Variants in IMMP2L observed in about 807,000 individuals in gnomAD.
IMMP2L encodes mitochondrial inner membrane protease subunit 2.
A neutral mutation model predicts 19.3 loss-of-function variants in IMMP2L; 18 were observed. The ratio of observed to expected loss-of-function variants is 0.93; its 90% CI spans 0.64 to 1.38. The LOEUF (loss-of-function observed/expected upper bound fraction) is 1.38. Among genes scored for constraint, IMMP2L ranks in the 40% most tolerant of loss-of-function variants. The pLI is 0.00. For missense variants in IMMP2L, 233 were observed against 218.2 expected, an observed-to-expected ratio of 1.07 and a Z score of -0.43; for synonymous variants, 76 against 73.0, an observed-to-expected ratio of 1.04 and a Z score of -0.21.
At chr7:111,478,130 A>T (rs1228479106) in intron 3 of IMMP2L, among the ~76,000 whole-genome samples, 13 of 151,942 alleles carry the variant, frequency 8.6e-5, no homozygotes. Context: ...AGCCTTTTCC[A>T]CTATTATATT....
In IMMP2L at chr7:111,392,025, T is replaced by C; in HGVS notation, c.239+95213A>G. The C allele has an allele frequency of 4.3e-6, 3 of 701,926 alleles. No individual in the cohort carries two copies. In the South Asian group the frequency reaches 4.4e-5, roughly 10 times the overall value. The allele number at this position is 701,926 out of a possible 1,614,324, so 43.5% of individuals were successfully genotyped here. A position where few individuals can be genotyped will look rare whatever the true frequency, so the allele number is the denominator to read the frequency against. ...GCTTCAATGTCCTCTCCTACCTTTG[T>C]ATATGCAAATTCTTCATTACCAGCT... is the stretch of plus-strand genomic sequence containing the variant. On this transcript the variant is annotated intron_variant, in intron 3 of 5. Transcript: ENST00000405709.
chr7:110,848,382 G>C (rs1176456604), intron 5 of IMMP2L, among the ~76,000 whole-genome samples: 2 of 152,026 alleles, frequency 1.3e-5, no homozygotes, highest in Non-Finnish European at 2.9e-5. Flanking sequence ...CTATCAGGAG[G>C]GCCAAAATCC....
intron 3 of IMMP2L, chr7:111,391,937 C>A (rs1832395223): frequency 1.4e-6 from 1 of 702,982 alleles, no homozygotes; most frequent in Admixed American, 2.0e-5. Context: ...CTCAGATATG[C>A]ACTTCTTCAA....
intron 5 of IMMP2L, among the ~76,000 whole-genome samples, chr7:110,860,597 T>C (rs2129542675): frequency 6.6e-6 from 1 of 152,254 alleles, no homozygotes; most frequent in East Asian, 1.9e-4. Flanking sequence ...TTGAGATTCA[T>C]ATAACTAGAT....
chr7:110,729,292 A>G lies in IMMP2L; in HGVS notation c.409-65571T>C, dbSNP rs553694015. 6.6e-5 allele frequency among the ~76,000 whole-genome samples: 10 copies of G among 152,346 alleles called. 1 individual carries two copies. Among genetic ancestry groups the G allele is most frequent in the Admixed American group, 6.5e-4 (10 of 15,310 alleles). On this transcript the variant is annotated intron_variant, in intron 5 of 5. Coordinates refer to ENST00000405709, the MANE Select transcript of IMMP2L (RefSeq NM_032549.4). The stretch of plus-strand genomic sequence containing the variant: ...GTTCTGCATGGCTGGGGAGGCCTCA[A>G]GAAACTTATAATCCTGGTGGAAGGT...
intron 3 of IMMP2L, among the ~76,000 whole-genome samples, chr7:111,176,334 C>T (rs977783991): frequency 6.6e-6 from 1 of 151,976 alleles, no homozygotes; most frequent in Non-Finnish European, 1.5e-5. Context: ...TTTACTGCAA[C>T]ATTATTCACA....
chr7:111,539,201 A>AGGG (rs1848243420), intron 1 of IMMP2L, among the ~76,000 whole-genome samples: 1 of 27,758 alleles, frequency 3.6e-5, no homozygotes, highest in African/African-American at 1.4e-4. Context: ...GGAGGGAGAA[A>AGGG]GAAAGAAAGA....
At chr7:110,827,550 A>C (rs2131368024) in intron 5 of IMMP2L, among the ~76,000 whole-genome samples, 1 of 152,332 alleles carries the variant, frequency 6.6e-6, no homozygotes, top group Admixed American at 6.5e-5. Flanking sequence ...CTGGGGAGAC[A>C]AATGTGCAAA....
At chr7:111,273,663 G>A (rs1818719872) in intron 3 of IMMP2L, among the ~76,000 whole-genome samples, 1 of 152,042 alleles carries the variant, frequency 6.6e-6, no homozygotes, top group African/African-American at 2.4e-5. Flanking sequence ...CACTTCCCGA[G>A]GGAGCAAGGT....
At chr7:111,496,674 T>A (rs1585354494) in intron 2 of IMMP2L, among the ~76,000 whole-genome samples, 1 of 152,188 alleles carries the variant, frequency 6.6e-6, no homozygotes, top group Non-Finnish European at 1.5e-5. Context: ...CCAGGTCCTC[T>A]GACTTTTAGA....
intron 4 of IMMP2L, among the ~76,000 whole-genome samples, chr7:110,912,436 A>T (rs1228794311): frequency 1.3e-5 from 2 of 152,076 alleles, no homozygotes; most frequent in Non-Finnish European, 2.9e-5. Context: ...AATTGTGGTG[A>T]TAATGTTTGT....
At chr7:111,094,374 A>C (rs1266746027) in intron 3 of IMMP2L, among the ~76,000 whole-genome samples, 1 of 152,138 alleles carries the variant, frequency 6.6e-6, no homozygotes, top group Non-Finnish European at 1.5e-5. Context: ...CTAAAAAATG[A>C]GTTCCTACTT....
intron 5 of IMMP2L, among the ~76,000 whole-genome samples, chr7:110,783,094 T>A (rs1202399701): frequency 1.3e-5 from 2 of 151,744 alleles, no homozygotes; most frequent in Non-Finnish European, 1.5e-5. Flanking sequence ...GATCTCGAGG[T>A]GTATAATGTT....
At chr7:110,676,993 C>T (rs1376459496) in intron 5 of IMMP2L, among the ~76,000 whole-genome samples, 4 of 152,186 alleles carry the variant, frequency 2.6e-5, no homozygotes, top group African/African-American at 4.8e-5. Flanking sequence ...CAACATGATG[C>T]AACAAGTGGA....
intron 3 of IMMP2L, among the ~76,000 whole-genome samples, chr7:111,160,642 G>A (rs1159460985): frequency 6.6e-6 from 1 of 150,834 alleles, no homozygotes; most frequent in Non-Finnish European, 1.5e-5. Context: ...TGTCATTTAG[G>A]AAGTTAGACA....
intron 3 of IMMP2L, among the ~76,000 whole-genome samples, chr7:111,470,851 T>C (rs1351342589): frequency 6.6e-6 from 1 of 151,202 alleles, no homozygotes; most frequent in Non-Finnish European, 1.5e-5. Flanking sequence ...ATTGTGCTCA[T>C]GTACCCTAAA....
At chr7:111,501,302 T>C (rs955387289) in intron 2 of IMMP2L, among the ~76,000 whole-genome samples, 11 of 152,038 alleles carry the variant, frequency 7.2e-5, no homozygotes, top group African/African-American at 2.7e-4. Flanking sequence ...AAACAAAGCC[T>C]CCAAGAAATA....
rs115003798 is a variant in IMMP2L at position 111,378,294 on chromosome 7, T to C, written c.239+108944A>G. ...AATGTTTTCTGATATGTGGATTGTATTGGCACTCAAAGGACCACCCAAAAA... is the reference window on the plus strand; with the variant it reads ...AATGTTTTCTGATATGTGGATTGTACTGGCACTCAAAGGACCACCCAAAAA... On this transcript the variant is annotated intron_variant, in intron 3 of 5. Coordinates refer to ENST00000405709, the MANE Select transcript of IMMP2L (RefSeq NM_032549.4). Among the ~76,000 whole-genome samples, 533 of 152,136 alleles carry C rather than the reference T, an allele frequency of 3.5e-3. 6 individuals carry two copies. The highest frequency in any genetic ancestry group is 0.012 in the African/African-American group (510 of 41,548).
chr7:111,067,932 T>C (rs2129575054), intron 3 of IMMP2L, among the ~76,000 whole-genome samples: 1 of 152,186 alleles, frequency 6.6e-6, no homozygotes, highest in African/African-American at 2.4e-5. Flanking sequence ...ATTAAGGATG[T>C]GGGGAGAAGT....
Sources: allele counts gnomAD v4.1 joint callset (sites outside exome capture counted in the v4.1 genomes callset), GRCh38; gene constraint gnomAD v4.1.1; transcripts MANE v1.5; gene names NCBI Gene and HGNC (gene_info 2026-07-23, HGNC 2026-07-21).